The following ZFHX3 variants were observed in gnomAD, a reference collection of about 807,000 sequenced individuals.
ZFHX3 encodes the protein zinc finger homeobox 3.
In ZFHX3, 42 loss-of-function variants were observed where a neutral mutation model predicts 279.1. The observed-to-expected ratio is 0.15, with a 90% CI of 0.12 to 0.19. ZFHX3 has a LOEUF of 0.19. Among genes scored for constraint, ZFHX3 ranks in the 10% least tolerant of loss-of-function variants. The pLI is 1.00. For missense variants in ZFHX3, 4,981 were observed against 4,754.0 expected, an observed-to-expected ratio of 1.05 and a Z score of -1.40; for synonymous variants, 2,293 against 1,957.8, an observed-to-expected ratio of 1.17 and a Z score of -4.52.
intron 5 of ZFHX3, among the ~76,000 whole-genome samples, chr16:73,247,505 G>A (rs1325782321): frequency 6.6e-6 from 1 of 151,128 alleles, no homozygotes; most frequent in African/African-American, 2.4e-5. Context: ...TGTATGTGGA[G>A]TGTGTGTGTT....
At chr16:73,682,366 G>A (rs1461073053) in intron 1 of ZFHX3, among the ~76,000 whole-genome samples, 3 of 151,878 alleles carry the variant, frequency 2.0e-5, no homozygotes, top group East Asian at 1.9e-4. Flanking sequence ...AAGGCACATG[G>A]GAATGTTGTT....
chr16:73,469,097 G>A (rs886243826), intron 2 of ZFHX3, among the ~76,000 whole-genome samples: 5 of 152,206 alleles, frequency 3.3e-5, no homozygotes, highest in African/African-American at 1.2e-4. Flanking sequence ...TTAAAATGCA[G>A]GAGGATGCAG....
intron 3 of ZFHX3, among the ~76,000 whole-genome samples, chr16:73,427,151 CCTAAAAAGAA>C (rs1567480808): frequency 6.6e-6 from 1 of 152,068 alleles, no homozygotes; most frequent in Non-Finnish European, 1.5e-5. Context: ...GAGGGCAAAA[CCTAAAAAGAA>C]CTAAATTTTG....
intron 4 of ZFHX3, among the ~76,000 whole-genome samples, chr16:72,857,092 T>G (rs999300686): frequency 1.3e-5 from 2 of 152,154 alleles, no homozygotes; most frequent in African/African-American, 4.8e-5. Flanking sequence ...TTCTTCCAGC[T>G]CTGAAAAGAC....
At chr16:73,251,875 G>GCACA (rs1401830552) in intron 5 of ZFHX3, among the ~76,000 whole-genome samples, 6 of 102,458 alleles carry the variant, frequency 5.9e-5, no homozygotes, top group African/African-American at 2.6e-4. Context: ...CACACACCAT[G>GCACA]CACACACACC....
chr16:72,923,554 T>A (rs1479414540), intron 3 of ZFHX3, among the ~76,000 whole-genome samples: 1 of 152,178 alleles, frequency 6.6e-6, no homozygotes, highest in Non-Finnish European at 1.5e-5. Context: ...GGTTAATGAT[T>A]TCCCAGAGAC....
At chr16:73,514,826 G>A (rs988896592) in intron 2 of ZFHX3, among the ~76,000 whole-genome samples, 5 of 152,096 alleles carry the variant, frequency 3.3e-5, no homozygotes, top group African/African-American at 4.8e-5. Flanking sequence ...AGGTTGTTAC[G>A]AGTGAATGAG....
At chr16:73,630,435 G>A (rs1173207534) in intron 2 of ZFHX3, among the ~76,000 whole-genome samples, 2 of 152,154 alleles carry the variant, frequency 1.3e-5, no homozygotes, top group African/African-American at 4.8e-5. Context: ...ACTTCACCTT[G>A]CTATGGAGCA....
chr16:73,158,167 G>A (rs1235835021), intron 5 of ZFHX3, among the ~76,000 whole-genome samples: 1 of 152,168 alleles, frequency 6.6e-6, no homozygotes, highest in Non-Finnish European at 1.5e-5. Context: ...TCCCAGGCTG[G>A]GACAGCAGCC....
chr16:73,096,218 T>C (rs1966161208), intron 7 of ZFHX3, among the ~76,000 whole-genome samples: 1 of 151,876 alleles, frequency 6.6e-6, no homozygotes, highest in Non-Finnish European at 1.5e-5. Flanking sequence ...CCTATAACTG[T>C]TCCAGAAAGT....
intron 1 of ZFHX3, among the ~76,000 whole-genome samples, chr16:73,755,553 A>G (rs2053800792): frequency 6.6e-6 from 1 of 152,186 alleles, no homozygotes; most frequent in Non-Finnish European, 1.5e-5. Context: ...CAAACAATTC[A>G]ATTTTTTTTA....
chr16:72,855,400 T>C (rs1304966569), intron 4 of ZFHX3, among the ~76,000 whole-genome samples: 1 of 152,230 alleles, frequency 6.6e-6, no homozygotes. Flanking sequence ...TAAGGAGATA[T>C]GGAGCTGAGA....
At chr16:73,415,799 G>C (rs775927815) in intron 3 of ZFHX3, among the ~76,000 whole-genome samples, 5 of 152,122 alleles carry the variant, frequency 3.3e-5, no homozygotes, top group South Asian at 2.1e-4. Flanking sequence ...TTTAGAGCTG[G>C]AAGGGGCTTA....
intron 1 of ZFHX3, among the ~76,000 whole-genome samples, chr16:73,740,609 T>C (rs2053648626): frequency 6.6e-6 from 1 of 152,208 alleles, no homozygotes; most frequent in African/African-American, 2.4e-5. Flanking sequence ...TACCATGCTT[T>C]GAATGCCCTA....
chr16:73,608,924 T>C (rs2143878121), intron 2 of ZFHX3: 1 of 152,340 alleles, frequency 6.6e-6, no homozygotes, highest in Non-Finnish European at 1.5e-5. Context: ...CTAATTACTC[T>C]TTTTTAGTCT....
At chr16:73,205,654 G>A (rs762363531) in intron 5 of ZFHX3, among the ~76,000 whole-genome samples, 5 of 152,176 alleles carry the variant, frequency 3.3e-5, no homozygotes, top group Non-Finnish European at 5.9e-5. Flanking sequence ...GTGTGTGTGC[G>A]TGAATGAAGC....
upstream of ZFHX3, among the ~76,000 whole-genome samples, chr16:73,050,495 G>T (rs765601670): frequency 2.6e-5 from 4 of 152,196 alleles, no homozygotes; most frequent in Non-Finnish European, 5.9e-5. Flanking sequence ...GTACATTATG[G>T]AAATGAGGGA....
At chr16:73,873,427 A>G (rs1334854352) in intron 1 of ZFHX3, among the ~76,000 whole-genome samples, 1 of 150,742 alleles carries the variant, frequency 6.6e-6, no homozygotes, top group Non-Finnish European at 1.5e-5. Context: ...AAACACAAAT[A>G]GAGAAAATCC....
intron 1 of ZFHX3, among the ~76,000 whole-genome samples, chr16:73,682,818 A>T (rs11149998): frequency 3.3e-5 from 5 of 149,514 alleles, no homozygotes; most frequent in African/African-American, 1.3e-4. Flanking sequence ...GAAAGAGAGA[A>T]AGAGAAAAGG....
Sources: gnomAD v4.1 joint callset for allele counts (sites outside exome capture counted in the v4.1 genomes callset) on GRCh38, gnomAD v4.1.1 for gene constraint, MANE v1.5 for transcripts, NCBI Gene and HGNC (gene_info 2026-07-23, HGNC 2026-07-21) for gene names.